Variants in YLPM1 observed in about 807,000 individuals in gnomAD.
YLPM1 encodes the protein YLP motif containing 1, also known as YLP motif-containing protein 1.
Under a neutral mutation model 230.0 loss-of-function variants are expected in YLPM1, and 99 were observed. That is an observed-to-expected ratio of 0.43 (90% CI 0.37 to 0.51). The LOEUF (loss-of-function observed/expected upper bound fraction) is 0.51. Ranked by LOEUF, YLPM1 falls within the 20% of genes least tolerant of loss-of-function variation. The pLI is 0.00. For synonymous variants in YLPM1, 984 were observed against 942.5 expected, an observed-to-expected ratio of 1.04 and a Z score of -0.81; for missense variants, 2,592 against 2,707.7, an observed-to-expected ratio of 0.96 and a Z score of 0.95.
In YLPM1 at chr14:74,806,112, T is replaced by C. The variant is rs558545414; in HGVS notation, c.4522-3268T>C. On this transcript the variant is annotated intron_variant, in intron 6 of 20. Transcript: ENST00000325680. ...TGGCTCATGCCTGCAATGCCAGCAC[T>C]TTGGGAGGCCAAGGCAGGTGGATCA... 5.3e-5 allele frequency among the ~76,000 whole-genome samples: 8 copies of C among 151,376 alleles called. No individual in the cohort carries two copies. In the South Asian group the frequency reaches 6.3e-4, roughly 12 times the overall value.
intron 1 of YLPM1, among the ~76,000 whole-genome samples, chr14:74,768,462 G>A (rs1464414496): frequency 6.6e-6 from 1 of 152,120 alleles, no homozygotes; most frequent in Non-Finnish European, 1.5e-5. Context: ...GGTCAGGCTG[G>A]TCTCGAACTC....
intron 6 of YLPM1, among the ~76,000 whole-genome samples, chr14:74,805,317 G>A (rs2091366590): frequency 1.3e-5 from 2 of 151,562 alleles, no homozygotes; most frequent in Admixed American, 6.6e-5. Flanking sequence ...CACCGCACCC[G>A]GCCAATAACT....
chr14:74,792,254 A>G (rs1166927213), intron 4 of YLPM1, among the ~76,000 whole-genome samples: 1 of 152,170 alleles, frequency 6.6e-6, no homozygotes, highest in Admixed American at 6.5e-5. Context: ...ACTACTTCGC[A>G]TAGACCATCT....
Position 74,778,655 on chromosome 14 carries a change from C to A in YLPM1, c.1082C>A (p.Pro361Gln). The change falls in exon 2 of 21, where the codon CCA becomes CAA. Residue 361 changes from proline to glutamine, a missense_variant. Pro to Gln is a moderately conservative substitution (Grantham distance 76). This residue lies in a region of YLPM1 where 1,862 missense variants were observed against 1,819.8 expected (regional missense o/e 1.02). Coordinates refer to ENST00000325680, the MANE Select transcript of YLPM1 (RefSeq NM_019589.3). ...TTGCCACCTCCAAATGAGGAAGTGC[C>A]ACCTCCTCTCCCACCTGAGGAACCC... ...PPLPPPNEEV[P>Q]PPLPPEEPQS... The A allele has an allele frequency of 6.3e-7, 1 of 1,578,518 alleles. No individual in the cohort carries two copies. The highest frequency in any genetic ancestry group is 1.2e-5 in the South Asian group (1 of 85,714).
intron 18 of YLPM1, chr14:74,827,736 T>G: frequency 1.0e-6 from 1 of 985,458 alleles, no homozygotes; most frequent in Non-Finnish European, 1.2e-6. Flanking sequence ...CTGGTAATAC[T>G]GTACCCTGTT....
chr14:74,793,558 T>C (rs1434077293), intron 4 of YLPM1, among the ~76,000 whole-genome samples: 2 of 152,228 alleles, frequency 1.3e-5, no homozygotes, highest in African/African-American at 2.4e-5. Flanking sequence ...GCTTTTTGCA[T>C]TCTGTTTTCT....
intron 16 of YLPM1, among the ~76,000 whole-genome samples, chr14:74,820,286 A>G (rs2140137165): frequency 6.6e-6 from 1 of 152,228 alleles, no homozygotes; most frequent in East Asian, 1.9e-4. Flanking sequence ...GTCTGACTCT[A>G]TTGCCCTGGC....
chr14:74,826,296 C>G (rs1392298012), intron 18 of YLPM1, among the ~76,000 whole-genome samples: 1 of 152,160 alleles, frequency 6.6e-6, no homozygotes, highest in African/African-American at 2.4e-5. Context: ...TGAGAAGATT[C>G]TTCTCTAAAA....
intron 2 of YLPM1, among the ~76,000 whole-genome samples, chr14:74,779,808 CTT>C (rs1216628673): frequency 8.1e-5 from 11 of 136,170 alleles, no homozygotes; most frequent in Admixed American, 7.4e-5. Context: ...CCCTCCCCTC[CTT>C]TTTTTTTTTT....
rs928136686 is a variant in YLPM1 at position 74,781,986 on chromosome 14, C to T, written c.1943C>T (p.Ala648Val). The T allele has an allele frequency of 6.2e-7, 1 of 1,613,584 alleles. No individual in the cohort carries two copies. Among genetic ancestry groups the T allele is most frequent in the African/African-American group, 1.3e-5 (1 of 74,912 alleles). Reference sequence around the variant, plus strand: ...CAAGGGATACCTCCTCAGTTAACAGCAGCCCCAGTTCCACCAGCCTCCAGT... The same window carrying T: ...CAAGGGATACCTCCTCAGTTAACAGTAGCCCCAGTTCCACCAGCCTCCAGT... ...VPQGIPPQLT[A>V]APVPPASSSQ... The change falls in exon 4 of 21, where the codon GCA (alanine) becomes GTA (valine). Residue 648 changes from alanine to valine, a missense_variant. Ala to Val is a moderately conservative substitution (Grantham distance 64, BLOSUM62 0). Around this residue, in one of 4 missense-constraint regions of YLPM1, gnomAD observed 1,862 missense variants for 1,819.8 expected, o/e 1.02. Coordinates refer to ENST00000325680, the MANE Select transcript of YLPM1 (RefSeq NM_019589.3).
Position 74,781,865 on chromosome 14 carries a change from C to A in YLPM1, c.1822C>A (p.Pro608Thr). 6.2e-7 allele frequency: 1 copy of A among 1,613,482 alleles called. No homozygotes were observed. The highest frequency in any genetic ancestry group is 8.5e-7 in the Non-Finnish European group (1 of 1,179,670). Residue 608 changes from proline (P) to threonine (T), a missense_variant, in exon 4 of 21, where the codon CCA (proline) becomes ACA (threonine). Physicochemically the swap from Pro to Thr is conservative, Grantham distance 38. Around this residue, in one of 4 missense-constraint regions of YLPM1, gnomAD observed 1,862 missense variants for 1,819.8 expected, o/e 1.02. Transcript: ENST00000325680. Reference protein sequence around the residue: ...SAGPPPVLPPPSLSSTAPPPV... With the variant: ...SAGPPPVLPPTSLSSTAPPPV... ...AGGGCCACCACCAGTTCTTCCCCCA[C>A]CATCTCTCTCTTCAACAGCACCTCC...
intron 1 of YLPM1, among the ~76,000 whole-genome samples, chr14:74,764,753 G>T (rs1339567786): frequency 6.6e-6 from 1 of 152,090 alleles, no homozygotes; most frequent in Non-Finnish European, 1.5e-5. Context: ...AAGAGGCCTC[G>T]CCAAGGGCTG....
At chr14:74,822,352 T>A (rs1484380678) in intron 17 of YLPM1, among the ~76,000 whole-genome samples, 1 of 152,166 alleles carries the variant, frequency 6.6e-6, no homozygotes, top group Non-Finnish European at 1.5e-5. Context: ...ATTTCAGTGG[T>A]TCATAACATC....
intron 1 of YLPM1, among the ~76,000 whole-genome samples, chr14:74,768,218 G>A (rs1433287207): frequency 6.6e-6 from 1 of 152,090 alleles, no homozygotes; most frequent in African/African-American, 2.4e-5. Context: ...AGTTTTTCGG[G>A]TAAAGTGTTG....
At chr14:74,773,708 T>G (rs12893009) in intron 1 of YLPM1, among the ~76,000 whole-genome samples, 1 of 142,238 alleles carries the variant, frequency 7.0e-6, no homozygotes, top group Non-Finnish European at 1.5e-5. Flanking sequence ...TGCTGTTTTC[T>G]TTCTTTTTTT....
intron 19 of YLPM1, among the ~76,000 whole-genome samples, chr14:74,832,184 C>T (rs2072935971): frequency 1.3e-5 from 2 of 152,102 alleles, no homozygotes; most frequent in Non-Finnish European, 2.9e-5. Context: ...CTCAAAAGTA[C>T]CTCTAGGAAA....
chr14:74,827,955 T>A (rs746913747), intron 18 of YLPM1: 24 of 983,232 alleles, frequency 2.4e-5, no homozygotes, highest in Non-Finnish European at 2.9e-5. Context: ...ATGAGATGAT[T>A]AAAATTTTTG....
intron 3 of YLPM1, among the ~76,000 whole-genome samples, chr14:74,780,934 A>C (rs1386273147): frequency 1.3e-5 from 2 of 152,112 alleles, no homozygotes; most frequent in Non-Finnish European, 2.9e-5. Context: ...ATCACAAAAA[A>C]CCTAAGCAAA....
At chr14:74,786,444 C>T (rs1230219999) in intron 4 of YLPM1, among the ~76,000 whole-genome samples, 1 of 151,544 alleles carries the variant, frequency 6.6e-6, no homozygotes, top group Non-Finnish European at 1.5e-5. Flanking sequence ...AGAAATCTCC[C>T]TCATCCCCCT....
Sources: allele counts gnomAD v4.1 joint callset (sites outside exome capture counted in the v4.1 genomes callset), GRCh38; gene constraint gnomAD v4.1.1; regional missense constraint gnomAD v4.1.1; transcripts MANE v1.5; gene names NCBI Gene and HGNC (gene_info 2026-07-23, HGNC 2026-07-21).